Variants in MB21D2 observed in about 807,000 individuals in gnomAD.
The protein encoded by MB21D2 is nucleotidyltransferase MB21D2.
A neutral mutation model predicts 33.3 loss-of-function variants in MB21D2; 9 were observed. The observed-to-expected ratio is 0.27, with a 90% confidence interval of 0.16 to 0.47. MB21D2 has a LOEUF of 0.47. Ranked by LOEUF, MB21D2 falls within the 20% of genes least tolerant of loss-of-function variation. The pLI is 0.99. For missense variants in MB21D2, 540 were observed against 624.6 expected (o/e 0.86, Z 1.44); for synonymous variants, 241 against 236.3 (o/e 1.02, Z -0.18).
At chr3:192,821,832 A>G (rs1275266763) in intron 1 of MB21D2, among the ~76,000 whole-genome samples, 1 of 152,106 alleles carries the variant, frequency 6.6e-6, no homozygotes, top group African/African-American at 2.4e-5. Context: ...CAGAAGTAGG[A>G]GACAGGGAGG....
chr3:192,851,369 T>G, intron 1 of MB21D2, among the ~76,000 whole-genome samples: 1 of 151,984 alleles, frequency 6.6e-6, no homozygotes. Context: ...GAGTAGAAGG[T>G]GACTGCTAAT....
chr3:192,906,547 GGCTGCT>G (rs954941570), intron 1 of MB21D2, among the ~76,000 whole-genome samples: 1 of 152,142 alleles, frequency 6.6e-6, no homozygotes, highest in African/African-American at 2.4e-5. Flanking sequence ...GTCTTCAGAT[GGCTGCT>G]GCTGCTGCTG....
At chr3:192,882,730 C>T (rs1713630371) in intron 1 of MB21D2, among the ~76,000 whole-genome samples, 1 of 148,316 alleles carries the variant, frequency 6.7e-6, no homozygotes, top group Middle Eastern at 3.4e-3. Flanking sequence ...AGGACATCAA[C>T]CAGTTTCCTT....
chr3:192,837,476 G>A (rs1278662617), intron 1 of MB21D2, among the ~76,000 whole-genome samples: 3 of 152,090 alleles, frequency 2.0e-5, no homozygotes, highest in South Asian at 2.1e-4. Context: ...AACGAGCTGC[G>A]GATCTGCAAT....
chr3:192,910,746 T>G (rs1171114486), intron 1 of MB21D2, among the ~76,000 whole-genome samples: 1 of 152,184 alleles, frequency 6.6e-6, no homozygotes, highest in Non-Finnish European at 1.5e-5. Context: ...GAAATGTGCA[T>G]CAAAATATTA....
At position 192,915,024 on chromosome 3, in the gene MB21D2, A is replaced by G. The variant is rs73200703; in HGVS notation, c.211+2606T>C. Among the ~76,000 whole-genome samples, 238 of 152,332 alleles carry G rather than the reference A, an allele frequency of 1.6e-3. 2 individuals are homozygous for G. Among genetic ancestry groups the G allele is most frequent in the Non-Finnish European group, 2.9e-3 (200 of 68,032 alleles). On this transcript the variant is annotated intron_variant, in intron 1 of 1. Coordinates refer to ENST00000392452, the MANE Select transcript of MB21D2 (RefSeq NM_178496.4). ...CTCACCCCTGCCAACTGCCTGAAAC[A>G]TGAGGCAGTATTTTTCTCAGCTCCA...
intron 1 of MB21D2, among the ~76,000 whole-genome samples, chr3:192,903,087 T>C (rs1714138222): frequency 6.6e-6 from 1 of 152,214 alleles, no homozygotes; most frequent in African/African-American, 2.4e-5. Context: ...AACTTCAAAC[T>C]ACAAGGTGGC....
At chr3:192,828,430 C>T (rs1167701123) in intron 1 of MB21D2, among the ~76,000 whole-genome samples, 1 of 150,996 alleles carries the variant, frequency 6.6e-6, no homozygotes, top group East Asian at 2.0e-4. Flanking sequence ...AGGAGTGGGG[C>T]CCAAGATGCC....
intron 1 of MB21D2, among the ~76,000 whole-genome samples, chr3:192,896,058 T>G (rs546872252): frequency 6.6e-6 from 1 of 152,366 alleles, no homozygotes; most frequent in East Asian, 1.9e-4. Context: ...AGAGCAGTTT[T>G]ATGTACTCCG....
At chr3:192,910,732 A>G (rs985534830) in intron 1 of MB21D2, among the ~76,000 whole-genome samples, 6 of 152,240 alleles carry the variant, frequency 3.9e-5, no homozygotes, top group African/African-American at 1.4e-4. Context: ...ACAGATGTTT[A>G]GAAGAAATGT....
At chr3:192,866,272 C>T (rs937978135) in intron 1 of MB21D2, among the ~76,000 whole-genome samples, 1 of 152,056 alleles carries the variant, frequency 6.6e-6, no homozygotes, top group Non-Finnish European at 1.5e-5. Context: ...ACTAAAATTA[C>T]AATGTACAAG....
intron 1 of MB21D2, among the ~76,000 whole-genome samples, chr3:192,804,105 C>T (rs1407544464): frequency 3.9e-5 from 6 of 151,990 alleles, no homozygotes. Flanking sequence ...ATACTCAGGT[C>T]CTAAGTTTAA....
chr3:192,849,304 C>A (rs79605189), intron 1 of MB21D2, among the ~76,000 whole-genome samples: 1 of 106,118 alleles, frequency 9.4e-6, no homozygotes. Flanking sequence ...AAGTTTTTCA[C>A]GTCTCTTTTT....
chr3:192,828,631 T>C (rs1204222320), intron 1 of MB21D2, among the ~76,000 whole-genome samples: 874 of 38,414 alleles, frequency 0.023, 146 homozygotes, highest in African/African-American at 0.099. Context: ...TATATATATA[T>C]ATATATATAT....
intron 1 of MB21D2, among the ~76,000 whole-genome samples, chr3:192,850,326 G>C (rs1320209932): frequency 6.6e-6 from 1 of 152,168 alleles, no homozygotes; most frequent in African/African-American, 2.4e-5. Flanking sequence ...ATAGCTCCTA[G>C]TAGAATCTAG....
intron 1 of MB21D2, among the ~76,000 whole-genome samples, chr3:192,868,749 T>G (rs146599813): frequency 1.3e-5 from 2 of 152,172 alleles, no homozygotes; most frequent in Non-Finnish European, 2.9e-5. Context: ...TGGTCTCTAA[T>G]ATCCCTAGGA....
intron 1 of MB21D2, among the ~76,000 whole-genome samples, chr3:192,861,933 A>G (rs1481948125): frequency 6.6e-6 from 1 of 152,244 alleles, no homozygotes; most frequent in Non-Finnish European, 1.5e-5. Flanking sequence ...GTTTCAACAA[A>G]CTGGGGCAAC....
intron 1 of MB21D2, among the ~76,000 whole-genome samples, chr3:192,853,734 G>A (rs1225045753): frequency 6.6e-6 from 1 of 151,966 alleles, no homozygotes; most frequent in African/African-American, 2.4e-5. Flanking sequence ...TCAGATAGTT[G>A]TGTTTTTTAC....
intron 1 of MB21D2, among the ~76,000 whole-genome samples, chr3:192,850,013 G>A (rs903668699): frequency 1.3e-5 from 2 of 151,846 alleles, no homozygotes; most frequent in African/African-American, 4.8e-5. Context: ...TTGCCTGCTG[G>A]ATTCAAGCAA....
Sources: allele counts gnomAD v4.1 joint callset (sites outside exome capture counted in the v4.1 genomes callset), GRCh38; gene constraint gnomAD v4.1.1; transcripts MANE v1.5; gene names NCBI Gene and HGNC (gene_info 2026-07-23, HGNC 2026-07-21).